Variants in FOXP2 observed in about 807,000 individuals in gnomAD.
FOXP2 encodes forkhead box protein P2.
In FOXP2, 12 loss-of-function variants were observed where a neutral mutation model predicts 115.8. The ratio of observed to expected loss-of-function variants is 0.10; its 90% CI spans 0.07 to 0.17. FOXP2 has a LOEUF of 0.17. Among genes scored for constraint, FOXP2 ranks in the 10% least tolerant of loss-of-function variants. FOXP2 has a pLI of 1.00. For synonymous variants in FOXP2, 328 were observed against 297.7 expected, an observed-to-expected ratio of 1.10 and a Z score of -1.05; for missense variants, 629 against 843.5, an observed-to-expected ratio of 0.75 and a Z score of 3.15.
intron 1 of FOXP2, among the ~76,000 whole-genome samples, chr7:114,270,678 T>C (rs1206863816): frequency 6.6e-6 from 1 of 152,112 alleles, no homozygotes; most frequent in Non-Finnish European, 1.5e-5. Context: ...TATTGTTGAG[T>C]TTTAAGAATT....
At chr7:114,206,514 G>A (rs1399113247) in intron 1 of FOXP2, among the ~76,000 whole-genome samples, 1 of 151,930 alleles carries the variant, frequency 6.6e-6, no homozygotes, top group Non-Finnish European at 1.5e-5. Context: ...TCCCCATAGA[G>A]GCCTTCCACG....
At chr7:114,580,145 T>G (rs1190568880) in intron 3 of FOXP2, among the ~76,000 whole-genome samples, 1 of 152,232 alleles carries the variant, frequency 6.6e-6, no homozygotes. Flanking sequence ...CTACTTAAGA[T>G]ATCCTTAGAG....
At chr7:114,142,694 T>C (rs934303526) in intron 1 of FOXP2, among the ~76,000 whole-genome samples, 1 of 152,208 alleles carries the variant, frequency 6.6e-6, no homozygotes, top group Non-Finnish European at 1.5e-5. Flanking sequence ...ATATGGTCAG[T>C]GCTCAGCAAA....
intron 1 of FOXP2, among the ~76,000 whole-genome samples, chr7:114,262,328 T>G (rs1795775951): frequency 6.6e-6 from 1 of 151,792 alleles, no homozygotes; most frequent in Admixed American, 6.6e-5. Flanking sequence ...ATGGCTGAGG[T>G]GGGAGGATCA....
rs116124506 is a variant in FOXP2 at position 114,607,093 on chromosome 7, T to C, written c.259-21447T>C. ...GGAGGAGAATAGGGATTCTCCTTGA[T>C]CCAGCAGAGCTACACTAGATGAAAG... is the stretch of plus-strand genomic sequence containing the variant. On this transcript the variant is annotated intron_variant, in intron 3 of 16. Transcript: ENST00000350908. Among the ~76,000 whole-genome samples, 615 of 152,230 alleles carry C rather than the reference T, an allele frequency of 4.0e-3. 9 individuals carry two copies. Among genetic ancestry groups the C allele is most frequent in the African/African-American group, 0.014 (588 of 41,536 alleles).
At chr7:114,443,842 T>G (rs906925406) in intron 2 of FOXP2, among the ~76,000 whole-genome samples, 2 of 152,226 alleles carry the variant, frequency 1.3e-5, no homozygotes, top group African/African-American at 2.4e-5. Flanking sequence ...TTTAGGTTGA[T>G]TCCATGTCTT....
intron 1 of FOXP2, among the ~76,000 whole-genome samples, chr7:114,092,186 C>T (rs141565797): frequency 6.6e-6 from 1 of 152,074 alleles, no homozygotes; most frequent in East Asian, 1.9e-4. Flanking sequence ...TAATTTCTGT[C>T]ATGAAAGACT....
intron 10 of FOXP2, 94 bp downstream of exon 10, chr7:114,654,103 T>C: frequency 6.3e-7 from 1 of 1,599,790 alleles, no homozygotes; most frequent in Non-Finnish European, 8.5e-7. Flanking sequence ...AAACAATGAG[T>C]GTGATGAAAA....
intron 1 of FOXP2, among the ~76,000 whole-genome samples, chr7:114,233,831 G>A (rs1269872673): frequency 1.3e-5 from 2 of 152,202 alleles, no homozygotes; most frequent in Non-Finnish European, 2.9e-5. Flanking sequence ...TGATCAACAT[G>A]GCAAAACACC....
At chr7:114,602,864 A>T (rs1803104580) in intron 3 of FOXP2, among the ~76,000 whole-genome samples, 1 of 152,180 alleles carries the variant, frequency 6.6e-6, no homozygotes, top group Non-Finnish European at 1.5e-5. Flanking sequence ...GGGTCAGTAA[A>T]ATACTAATAT....
chr7:114,454,038 A>C (rs902192562), intron 2 of FOXP2, among the ~76,000 whole-genome samples: 2 of 152,000 alleles, frequency 1.3e-5, no homozygotes, highest in Admixed American at 1.3e-4. Flanking sequence ...TAAACTAAAG[A>C]GCTTCTGCAC....
At chr7:114,500,215 C>CA (rs760392447) in intron 2 of FOXP2, among the ~76,000 whole-genome samples, 4,398 of 50,214 alleles carry the variant, frequency 0.088, 217 homozygotes, top group African/African-American at 0.19. Flanking sequence ...GACTCCATCT[C>CA]AAAAAAAAAA....
chr7:114,629,894 A>G lies in FOXP2; in HGVS notation c.486A>G (p.Gln162=), dbSNP rs765254099. ...QQQQQQQQQQ[Q]QQQQQQQQQQ... is the part of the protein sequence containing the mutation. ...AGCAGCAACAGCAGCAGCAGCAACAACAGCAGCAACAACAGCAGCAGCAAC... is the reference window on the plus strand; with the variant it reads ...AGCAGCAACAGCAGCAGCAGCAACAGCAGCAGCAACAACAGCAGCAGCAAC... Residue 162 remains glutamine, a synonymous_variant, in exon 5 of 17, where the codon CAA becomes CAG. Transcript: ENST00000350908. The G allele has an allele frequency of 9.3e-6, 15 of 1,612,274 alleles. No individual in the cohort carries two copies. Among genetic ancestry groups the G allele is most frequent in the Non-Finnish European group, 1.1e-5 (13 of 1,179,244 alleles).
chr7:114,398,058 G>C (rs921605812), intron 2 of FOXP2, among the ~76,000 whole-genome samples: 3 of 152,036 alleles, frequency 2.0e-5, no homozygotes, highest in Non-Finnish European at 4.4e-5. Context: ...AGACAAAAGA[G>C]AAGACAAAGA....
intron 1 of FOXP2, among the ~76,000 whole-genome samples, chr7:114,196,012 A>G (rs140779512): frequency 6.6e-6 from 1 of 151,962 alleles, no homozygotes; most frequent in East Asian, 1.9e-4. Context: ...AAAATTAATT[A>G]ATTAATTTAT....
chr7:114,212,119 T>G (rs1452141325), intron 1 of FOXP2, among the ~76,000 whole-genome samples: 2 of 48,298 alleles, frequency 4.1e-5, no homozygotes, highest in East Asian at 1.3e-3. Context: ...TAAAATAAAA[T>G]AAAATATATA....
At chr7:114,140,003 C>T (rs1404143342) in intron 1 of FOXP2, among the ~76,000 whole-genome samples, 1 of 152,038 alleles carries the variant, frequency 6.6e-6, no homozygotes, top group African/African-American at 2.4e-5. Context: ...ATCCCAGCTA[C>T]TCAGGAGGCT....
chr7:114,633,758 C>A (rs1390195446), intron 6 of FOXP2, among the ~76,000 whole-genome samples: 1 of 152,126 alleles, frequency 6.6e-6, no homozygotes, highest in African/African-American at 2.4e-5. Flanking sequence ...ATGCTGGAAT[C>A]CCAAAACTAG....
chr7:114,464,812 C>A (rs1444426174), intron 2 of FOXP2, among the ~76,000 whole-genome samples: 1 of 152,180 alleles, frequency 6.6e-6, no homozygotes, highest in South Asian at 2.1e-4. Flanking sequence ...AAAGAACCAA[C>A]CAAACAAACA....
Sources: gnomAD v4.1 joint callset for allele counts (sites outside exome capture counted in the v4.1 genomes callset) on GRCh38, gnomAD v4.1.1 for gene constraint, MANE v1.5 for transcripts, NCBI Gene and HGNC (gene_info 2026-07-23, HGNC 2026-07-21) for gene names.